Variants in QTMAN observed in about 807,000 individuals in gnomAD.
QTMAN encodes the protein queuosine-tRNA mannosyltransferase.
the QTMAN span, among the ~76,000 whole-genome samples, chr2:143,998,165 A>C: frequency 3.3e-5 from 5 of 152,126 alleles, no homozygotes; most frequent in Admixed American, 6.6e-5. Flanking sequence ...AACCATAATT[A>C]GAAGTAACAT....
the QTMAN span, among the ~76,000 whole-genome samples, chr2:144,084,204 T>G: frequency 8.5e-4 from 130 of 152,290 alleles, 1 homozygote; most frequent in Non-Finnish European, 1.5e-3. Flanking sequence ...ACCAGAAAGG[T>G]TCAGCCCATG....
chr2:144,240,898 C>A, the QTMAN span, among the ~76,000 whole-genome samples: 2 of 152,176 alleles, frequency 1.3e-5, no homozygotes, highest in African/African-American at 4.8e-5. Flanking sequence ...AAGAAAAAAA[C>A]TGCAAAGAGC....
At chr2:144,323,630 T>C in the QTMAN span, among the ~76,000 whole-genome samples, 1 of 152,178 alleles carries the variant, frequency 6.6e-6, no homozygotes, top group Admixed American at 6.5e-5. Flanking sequence ...TACGCCACAA[T>C]TTGTGAACTG....
the QTMAN span, among the ~76,000 whole-genome samples, chr2:144,112,639 A>G: frequency 6.6e-6 from 1 of 152,236 alleles, no homozygotes; most frequent in African/African-American, 2.4e-5. Context: ...CCCTTCCAGC[A>G]AAGGCCTAAG....
chr2:144,228,725 G>A, the QTMAN span, among the ~76,000 whole-genome samples: 1 of 152,188 alleles, frequency 6.6e-6, no homozygotes, highest in Non-Finnish European at 1.5e-5. Context: ...TTGGGAGGCT[G>A]AGGCAGGCGG....
the QTMAN span, among the ~76,000 whole-genome samples, chr2:144,301,020 T>C: frequency 1.3e-5 from 2 of 152,150 alleles, no homozygotes; most frequent in African/African-American, 2.4e-5. Context: ...CAAAGGCTAG[T>C]ACATTGAAAA....
At chr2:144,302,583 A>G in the QTMAN span, among the ~76,000 whole-genome samples, 1 of 152,158 alleles carries the variant, frequency 6.6e-6, no homozygotes, top group African/African-American at 2.4e-5. Context: ...ATTTATCTAT[A>G]ATTTCTATTT....
At chr2:144,230,658 T>C in the QTMAN span, among the ~76,000 whole-genome samples, 1 of 152,192 alleles carries the variant, frequency 6.6e-6, no homozygotes, top group Non-Finnish European at 1.5e-5. Flanking sequence ...ATACCCATTG[T>C]TGCCTGGTGA....
chr2:144,067,794 C>T, the QTMAN span, among the ~76,000 whole-genome samples: 5 of 152,212 alleles, frequency 3.3e-5, no homozygotes, highest in African/African-American at 4.8e-5. Context: ...AATTTTCTGT[C>T]TGGTATAACA....
chr2:143,970,976 C>T, the QTMAN span, among the ~76,000 whole-genome samples: 377 of 152,184 alleles, frequency 2.5e-3, 1 homozygote, highest in African/African-American at 8.7e-3. Flanking sequence ...AGAACCTAGT[C>T]CTATTGAAGT....
At chr2:144,278,357 A>G in the QTMAN span, among the ~76,000 whole-genome samples, 1 of 152,142 alleles carries the variant, frequency 6.6e-6, no homozygotes, top group South Asian at 2.1e-4. Flanking sequence ...CTAAGTGCAA[A>G]GAGTGGAAGA....
the QTMAN span, among the ~76,000 whole-genome samples, chr2:144,333,054 G>A: frequency 6.6e-6 from 1 of 151,914 alleles, no homozygotes; most frequent in Non-Finnish European, 1.5e-5. Context: ...CTGCTCTGCA[G>A]CCCGGAGCTC....
At chr2:144,097,660 G>A in the QTMAN span, among the ~76,000 whole-genome samples, 1 of 152,140 alleles carries the variant, frequency 6.6e-6, no homozygotes, top group African/African-American at 2.4e-5. Flanking sequence ...AGGGTGATGA[G>A]TGCAACTTCC....
At chr2:144,004,350 C>T in the QTMAN span, among the ~76,000 whole-genome samples, 2 of 152,090 alleles carry the variant, frequency 1.3e-5, no homozygotes, top group East Asian at 3.9e-4. Context: ...ACGATTTCCA[C>T]CCATACGATC....
the QTMAN span, among the ~76,000 whole-genome samples, chr2:144,111,030 C>A: frequency 5.3e-5 from 8 of 152,024 alleles, no homozygotes; most frequent in African/African-American, 1.9e-4. Flanking sequence ...AGGAAAAGTG[C>A]AAAAAATCCA....
At chr2:144,122,133 A>G in the QTMAN span, among the ~76,000 whole-genome samples, 1 of 152,196 alleles carries the variant, frequency 6.6e-6, no homozygotes, top group Non-Finnish European at 1.5e-5. Flanking sequence ...TTAAAATAAG[A>G]GAACAGAAAT....
At chr2:144,093,695 T>C in the QTMAN span, among the ~76,000 whole-genome samples, 17 of 152,308 alleles carry the variant, frequency 1.1e-4, no homozygotes, top group East Asian at 7.7e-4. Flanking sequence ...AAGTAGTTAG[T>C]AAACAAGAGC....
chr2:144,098,608 G>T, the QTMAN span, among the ~76,000 whole-genome samples: 1 of 151,668 alleles, frequency 6.6e-6, no homozygotes, highest in Non-Finnish European at 1.5e-5. Flanking sequence ...CCAGCTACTC[G>T]GGAGGCTGAG....
chr2:144,172,771 C>T, the QTMAN span, among the ~76,000 whole-genome samples: 26 of 151,868 alleles, frequency 1.7e-4, no homozygotes, highest in Non-Finnish European at 3.5e-4. Context: ...TTCTAATTGC[C>T]ACCACCTACT....
Sources: gnomAD v4.1 joint callset for allele counts (sites outside exome capture counted in the v4.1 genomes callset) on GRCh38, gnomAD v4.1.1 for gene constraint, MANE v1.5 for transcripts, NCBI Gene and HGNC (gene_info 2026-07-23, HGNC 2026-07-21) for gene names.